Variants in FAM193A observed in about 807,000 individuals in gnomAD.
FAM193A encodes family with sequence similarity 193 member A.
FAM193A carries 22 observed loss-of-function variants against 126.5 expected under a neutral mutation model. The ratio of observed to expected loss-of-function variants is 0.17; its 90% CI spans 0.12 to 0.25. FAM193A has a LOEUF of 0.25. Ranked by LOEUF, FAM193A falls within the 10% of genes least tolerant of loss-of-function variation. FAM193A has a pLI of 1.00. For missense variants in FAM193A, 1,675 were observed against 1,672.8 expected, an observed-to-expected ratio of 1.00 and a Z score of -0.02; for synonymous variants, 761 against 646.8, an observed-to-expected ratio of 1.18 and a Z score of -2.68.
intron 2 of FAM193A, among the ~76,000 whole-genome samples, chr4:2,621,987 G>T (rs1477588581): frequency 6.6e-6 from 1 of 152,142 alleles, no homozygotes; most frequent in Non-Finnish European, 1.5e-5. Context: ...TAGTGTGGTG[G>T]CTCACGCCTG....
rs959844176 is a variant in FAM193A, at chr4:2,636,028, G to T, written c.1039-3707G>T. On this transcript the variant is annotated intron_variant, in intron 5 of 20. Coordinates refer to ENST00000637812, the MANE Select transcript of FAM193A (RefSeq NM_001366318.2). ...TTTTTTTTTTTGAGACGGAGTCTTA[G>T]TTGGAAAAAGGAATAATTTGTCTTT... Among the ~76,000 whole-genome samples the T allele has an allele frequency of 2.0e-5, 3 of 150,556 alleles. No homozygotes were observed. The South Asian group carries it at 6.3e-4, about 31-fold the overall frequency.
intron 7 of FAM193A, chr4:2,655,021 T>C (rs772410627): frequency 2.1e-4 from 139 of 662,098 alleles, no homozygotes; most frequent in Non-Finnish European, 3.0e-4. Flanking sequence ...TATCTCATCT[T>C]TTCCAGCATT....
In FAM193A at chr4:2,543,851, A is replaced by G. The variant is rs545944461; in HGVS notation, c.255+6681A>G. Among the ~76,000 whole-genome samples the G allele has an allele frequency of 6.2e-5, 9 of 145,608 alleles. No individual in the cohort carries two copies. In the East Asian group the frequency reaches 1.9e-3, roughly 31 times the overall value. On this transcript the variant is annotated intron_variant, in intron 1 of 20. Transcript: ENST00000637812. ...CACCATTGCACTTCAGCCTGCACAA[A>G]AGAATGAGACATTGTCTCAAAAAAA...
Position 2,672,381 on chromosome 4 carries a change from G to T in FAM193A, c.2331+9G>T, listed in dbSNP as rs1290915199. The T allele has an allele frequency of 5.0e-6, 8 of 1,610,812 alleles. No individual in the cohort carries two copies. The highest frequency in any genetic ancestry group is 6.8e-6 in the Non-Finnish European group (8 of 1,178,654). ...CCTTCACACACAGTAAGGTAAGTCA[G>T]GGCAAAAAGGGTCTGAAAGCTCACT... is the stretch of plus-strand genomic sequence containing the variant. On this transcript the variant is annotated intron_variant, in intron 13 of 20. Coordinates refer to ENST00000637812, the MANE Select transcript of FAM193A (RefSeq NM_001366318.2).
chr4:2,686,339 C>G (rs1715738503), intron 13 of FAM193A, among the ~76,000 whole-genome samples: 1 of 152,148 alleles, frequency 6.6e-6, no homozygotes, highest in Non-Finnish European at 1.5e-5. Context: ...AGACACTGTT[C>G]AGCAAACACT....
intron 13 of FAM193A, among the ~76,000 whole-genome samples, chr4:2,687,918 G>A (rs909069652): frequency 2.0e-5 from 3 of 152,194 alleles, no homozygotes; most frequent in Non-Finnish European, 4.4e-5. Context: ...CCATCCCTTT[G>A]CTCCTAACCT....
At chr4:2,699,329 G>A (rs1180698220) in intron 18 of FAM193A, among the ~76,000 whole-genome samples, 4 of 152,036 alleles carry the variant, frequency 2.6e-5, no homozygotes, top group African/African-American at 4.8e-5. Flanking sequence ...TGCCGCACCT[G>A]TGAGGGGGTA....
intron 1 of FAM193A, among the ~76,000 whole-genome samples, chr4:2,586,699 G>A (rs1375197104): frequency 6.6e-6 from 1 of 152,160 alleles, no homozygotes; most frequent in Non-Finnish European, 1.5e-5. Context: ...TGTTGCCCAG[G>A]CTGGAATGCA....
At chr4:2,648,892 C>T (rs1745394498) in intron 7 of FAM193A, among the ~76,000 whole-genome samples, 1 of 152,168 alleles carries the variant, frequency 6.6e-6, no homozygotes, top group East Asian at 1.9e-4. Context: ...TCCAGGTCAC[C>T]ACTCCCTGGG....
intron 7 of FAM193A, 52 bp from the exon 8 acceptor site, chr4:2,657,751 C>A: frequency 1.1e-5 from 13 of 1,145,016 alleles, no homozygotes; most frequent in Non-Finnish European, 1.5e-5. Context: ...GTATAATTGT[C>A]GCAGGTATTA....
At chr4:2,670,356 G>A (rs1441390784) in intron 12 of FAM193A, among the ~76,000 whole-genome samples, 1 of 151,814 alleles carries the variant, frequency 6.6e-6, no homozygotes, top group East Asian at 1.9e-4. Context: ...TTAATTCTCT[G>A]AACATGTTAT....
intron 1 of FAM193A, among the ~76,000 whole-genome samples, chr4:2,595,730 C>T (rs775976673): frequency 1.2e-4 from 18 of 152,156 alleles, no homozygotes; most frequent in Non-Finnish European, 2.5e-4. Context: ...GTGCAGATGC[C>T]TCTAGAATAG....
At chr4:2,662,705 A>G (rs575671903) in intron 10 of FAM193A, 133 bp from the exon 11 acceptor site, 11 of 564,628 alleles carry the variant, frequency 1.9e-5, no homozygotes, top group African/African-American at 1.9e-5. Context: ...TAGTGGTAGG[A>G]ATGATACTTA....
At chr4:2,632,011 TAAAG>T (rs1033983682) in intron 5 of FAM193A, among the ~76,000 whole-genome samples, 7 of 151,940 alleles carry the variant, frequency 4.6e-5, no homozygotes, top group Non-Finnish European at 8.8e-5. Flanking sequence ...TTTCTTTTAA[TAAAG>T]AAAAGGAATT....
At chr4:2,566,739 T>G (rs1481201274) in intron 1 of FAM193A, among the ~76,000 whole-genome samples, 1 of 152,072 alleles carries the variant, frequency 6.6e-6, no homozygotes, top group Non-Finnish European at 1.5e-5. Flanking sequence ...TGTGTGTATA[T>G]TTGCTAAGAA....
At chr4:2,560,932 C>T (rs911038302) in intron 1 of FAM193A, among the ~76,000 whole-genome samples, 1 of 152,180 alleles carries the variant, frequency 6.6e-6, no homozygotes, top group Non-Finnish European at 1.5e-5. Flanking sequence ...GGATTACAGG[C>T]ATGAGCTGCT....
intron 2 of FAM193A, among the ~76,000 whole-genome samples, chr4:2,610,637 T>G (rs1741808688): frequency 6.6e-6 from 1 of 152,212 alleles, no homozygotes; most frequent in African/African-American, 2.4e-5. Context: ...TAATCCATTG[T>G]ATGGATAAAC....
rs1306219293 is a variant in FAM193A, at chr4:2,631,076, G to A, written c.945G>A (p.Pro315=). ...KVKAPSGLQG[P]PQAHQFISLL... The stretch of plus-strand genomic sequence containing the variant: ...AGGCACCATCTGGCCTGCAGGGCCC[G>A]CCGCAAGCGCACCAGTTCATCTCCC... Residue 315 remains proline, a synonymous_variant, in exon 5 of 21, where the codon CCG becomes CCA. Transcript: ENST00000637812. 4.3e-6 allele frequency: 7 copies of A among 1,613,676 alleles called. No individual in the cohort carries two copies. The South Asian group carries it at 5.5e-5, about 13-fold the overall frequency.
chr4:2,546,787 G>A (rs543529199), intron 1 of FAM193A, among the ~76,000 whole-genome samples: 1 of 152,210 alleles, frequency 6.6e-6, no homozygotes, highest in South Asian at 2.1e-4. Flanking sequence ...TAAATACCAA[G>A]GAGTAGGAGC....
Sources: allele counts gnomAD v4.1 joint callset (sites outside exome capture counted in the v4.1 genomes callset), GRCh38; gene constraint gnomAD v4.1.1; transcripts MANE v1.5; gene names NCBI Gene and HGNC (gene_info 2026-07-23, HGNC 2026-07-21).